The following IGSF11 variants were observed in gnomAD, a reference collection of about 807,000 sequenced individuals.
The protein encoded by IGSF11 is CXADR like 1.
In IGSF11, 22 loss-of-function variants were observed where a neutral mutation model predicts 41.0. The ratio of observed to expected loss-of-function variants is 0.54; its 90% CI spans 0.38 to 0.77. IGSF11 has a LOEUF of 0.77. Ranked by LOEUF, IGSF11 falls within the 30% of genes least tolerant of loss-of-function variation. The probability of loss-of-function intolerance (pLI) is 0.00; values close to 1 mark genes in which losing one functional copy is unlikely to be tolerated. For synonymous variants in IGSF11, 219 were observed against 201.3 expected (o/e 1.09, Z -0.74); for missense variants, 444 against 530.8 (o/e 0.84, Z 1.61).
chr3:119,110,574 C>G (rs146789897), intron 1 of IGSF11, among the ~76,000 whole-genome samples: 25,567 of 152,106 alleles, frequency 0.17, 2,624 homozygotes, highest in Non-Finnish European at 0.24. Flanking sequence ...TTAATTGGAG[C>G]ATTTAGTCCA....
chr3:119,047,206 T>C (rs1382357814), intron 1 of IGSF11, among the ~76,000 whole-genome samples: 1 of 151,304 alleles, frequency 6.6e-6, no homozygotes, highest in Non-Finnish European at 1.5e-5. Context: ...ACTGGCAAAT[T>C]GGATAAAGAG....
intron 1 of IGSF11, among the ~76,000 whole-genome samples, chr3:118,997,698 G>A (rs1295202569): frequency 6.6e-6 from 1 of 151,988 alleles, no homozygotes; most frequent in Non-Finnish European, 1.5e-5. Flanking sequence ...TGCTCAGTCT[G>A]GGTAAAATTA....
intron 1 of IGSF11, among the ~76,000 whole-genome samples, chr3:119,138,076 G>A (rs373923030): frequency 1.5e-4 from 23 of 151,322 alleles, no homozygotes; most frequent in African/African-American, 5.3e-4. Context: ...TGGTGAGGAT[G>A]TGAAGAGAAA....
chr3:119,057,169 G>C (rs1343494285), intron 1 of IGSF11, among the ~76,000 whole-genome samples: 1 of 152,156 alleles, frequency 6.6e-6, no homozygotes, highest in Admixed American at 6.5e-5. Flanking sequence ...ATTAGGAAAA[G>C]AGGAAGTCAA....
intron 4 of IGSF11, among the ~76,000 whole-genome samples, chr3:118,917,733 G>A (rs1430691180): frequency 1.3e-5 from 2 of 148,668 alleles, no homozygotes; most frequent in African/African-American, 2.5e-5. Context: ...TAGAAAAAGA[G>A]GGAATCCTCC....
intron 4 of IGSF11, among the ~76,000 whole-genome samples, chr3:118,920,170 T>C (rs1353044917): frequency 7.0e-6 from 1 of 142,840 alleles, no homozygotes; most frequent in African/African-American, 2.6e-5. Flanking sequence ...AGATGACGAG[T>C]TAGTGGGTGC....
intron 1 of IGSF11, among the ~76,000 whole-genome samples, chr3:118,995,890 C>T (rs1011265153): frequency 4.6e-5 from 7 of 152,044 alleles, no homozygotes; most frequent in Non-Finnish European, 8.8e-5. Context: ...CCTCGTGATC[C>T]GCCCGCCTCG....
intron 4 of IGSF11, among the ~76,000 whole-genome samples, chr3:118,920,767 CATA>C (rs1413175214): frequency 2.0e-5 from 3 of 152,080 alleles, no homozygotes; most frequent in South Asian, 2.1e-4. Flanking sequence ...ACATATTTCT[CATA>C]ATAACATAGC....
At chr3:118,966,363 G>A (rs1436042732) in intron 1 of IGSF11, among the ~76,000 whole-genome samples, 1 of 152,086 alleles carries the variant, frequency 6.6e-6, no homozygotes, top group African/African-American at 2.4e-5. Flanking sequence ...CTCTTTTGTG[G>A]CAGAACTGAG....
chr3:119,110,356 G>C (rs2077128146), intron 1 of IGSF11, among the ~76,000 whole-genome samples: 2 of 151,978 alleles, frequency 1.3e-5, no homozygotes, highest in African/African-American at 4.8e-5. Flanking sequence ...GGCCTTCTTT[G>C]TCTCTTTTGA....
At chr3:119,135,726 G>GGATT (rs1205238623) in intron 1 of IGSF11, among the ~76,000 whole-genome samples, 1 of 152,104 alleles carries the variant, frequency 6.6e-6, no homozygotes, top group African/African-American at 2.4e-5. Flanking sequence ...TATACCCAAA[G>GGATT]GATTATAAAT....
Position 118,902,865 on chromosome 3 carries a change from G to A in IGSF11, c.951C>T (p.Tyr317=), listed in dbSNP as rs145775359. The A allele has an allele frequency of 5.3e-5, 85 of 1,614,192 alleles. No individual in the cohort carries two copies. Among genetic ancestry groups the A allele is most frequent in the Admixed American group, 1.2e-4 (7 of 60,020 alleles). ...DNNTLTSSNA[Y]NSRYWSNNPK... is the part of the protein sequence containing the mutation. ...GATTGTTGCTCCAGTATCGACTGTT[G>A]TAGGCATTGGAAGAGGTTAGTGTGT... Residue 317 remains tyrosine (Y), a synonymous_variant, in exon 7 of 7, where the codon TAC becomes TAT. Transcript: ENST00000393775.
chr3:118,902,539 C>A lies in IGSF11; in HGVS notation c.1277G>T (p.Arg426Leu). 1 of 1,613,468 alleles carries A rather than the reference C, an allele frequency of 6.2e-7. No homozygotes were observed. The highest frequency in any genetic ancestry group is 8.5e-7 in the Non-Finnish European group (1 of 1,179,624). ...AVPVMVPAQS[R>L]AGSLV is the part of the protein sequence containing the mutation. ...CATGTCCTATACCAAGGACCCGGCC[C>A]GACTCTGGGCTGGTACCATGACAGG... Residue 426 changes from arginine (R) to leucine (L), a missense_variant, in exon 7 of 7, where the codon CGG becomes CTG. Arg to Leu is a moderately radical substitution (Grantham distance 102). Transcript: ENST00000393775.
At chr3:119,087,598 T>C (rs1433903278) in intron 1 of IGSF11, among the ~76,000 whole-genome samples, 1 of 151,926 alleles carries the variant, frequency 6.6e-6, no homozygotes, top group Non-Finnish European at 1.5e-5. Context: ...GTAAGAATGA[T>C]ACCCTGGACT....
At chr3:119,001,827 T>C (rs1936913874) in intron 1 of IGSF11, among the ~76,000 whole-genome samples, 1 of 139,570 alleles carries the variant, frequency 7.2e-6, no homozygotes, top group Admixed American at 7.1e-5. Context: ...CTGCATAGTA[T>C]TCCATGGTGT....
intron 1 of IGSF11, among the ~76,000 whole-genome samples, chr3:119,076,777 G>T (rs561419918): frequency 6.6e-6 from 1 of 151,064 alleles, no homozygotes; most frequent in African/African-American, 2.4e-5. Flanking sequence ...TGCTGGAGAG[G>T]ATGTGGAGAA....
chr3:119,145,958 C>T (rs2077718497), exon 1 of IGSF11: 1 of 480,972 alleles, frequency 2.1e-6, no homozygotes, highest in Non-Finnish European at 3.7e-6. Flanking sequence ...GCCTGAGAAT[C>T]GCCCCTTCTC....
intron 1 of IGSF11, among the ~76,000 whole-genome samples, chr3:119,075,915 A>C (rs993695159): frequency 4.2e-4 from 64 of 152,174 alleles, no homozygotes; most frequent in African/African-American, 1.5e-3. Context: ...AACTACTTTA[A>C]AGTTCATATG....
upstream of IGSF11, among the ~76,000 whole-genome samples, chr3:119,037,836 G>A (rs1008734060): frequency 9.9e-5 from 15 of 152,116 alleles, no homozygotes; most frequent in African/African-American, 3.4e-4. Context: ...CCAATGCCAA[G>A]TATAAATTAT....
Sources: allele counts gnomAD v4.1 joint callset (sites outside exome capture counted in the v4.1 genomes callset), GRCh38; gene constraint gnomAD v4.1.1; transcripts MANE v1.5; gene names NCBI Gene and HGNC (gene_info 2026-07-23, HGNC 2026-07-21).